TMT1A: variants seen among roughly 807,000 people sequenced by gnomAD.
TMT1A encodes thiol methyltransferase 1A.
the TMT1A span, chr12:50,925,119 G>C: frequency 6.2e-7 from 1 of 1,614,154 alleles, no homozygotes; most frequent in Non-Finnish European, 8.5e-7. Context: ...TTCTGGGCTT[G>C]TGGAGCTGGA....
the TMT1A span, among the ~76,000 whole-genome samples, chr12:50,926,557 T>C: frequency 6.6e-6 from 1 of 152,194 alleles, no homozygotes; most frequent in Non-Finnish European, 1.5e-5. Flanking sequence ...GCTATGTAAG[T>C]GAGTTGTCAT....
the TMT1A span, chr12:50,925,037 C>A: frequency 6.2e-7 from 1 of 1,613,500 alleles, no homozygotes. Context: ...CCCTTCTGAG[C>A]AATGGAGCTT....
At chr12:50,929,784 T>C in the TMT1A span, 1 of 765,768 alleles carries the variant, frequency 1.3e-6, no homozygotes, top group Non-Finnish European at 2.1e-6. Context: ...GGAGTGACCC[T>C]CCTGCTCAGA....
the TMT1A span, chr12:50,929,905 C>A: frequency 7.2e-6 from 11 of 1,527,762 alleles, no homozygotes; most frequent in African/African-American, 1.3e-4. Flanking sequence ...TTTTTTCTTT[C>A]TTTCTCAGGG....
At chr12:50,930,156 G>C in the TMT1A span, 10 of 1,591,034 alleles carry the variant, frequency 6.3e-6, no homozygotes, top group Non-Finnish European at 8.6e-6. Context: ...AATAGTGTGA[G>C]CTGGCAGTTA....
chr12:50,930,128 T>C, the TMT1A span: 1 of 1,611,450 alleles, frequency 6.2e-7, no homozygotes, highest in South Asian at 1.1e-5. Context: ...CGCCCTCATA[T>C]CTATGGATAT....
chr12:50,929,074 TA>T, the TMT1A span, among the ~76,000 whole-genome samples: 235 of 146,434 alleles, frequency 1.6e-3, 2 homozygotes, highest in African/African-American at 4.7e-3. Flanking sequence ...TCTGTCTCTA[TA>T]AAAAAAAAAA....
At chr12:50,925,543 G>GTGTAT in the TMT1A span, 24 of 1,610,910 alleles carry the variant, frequency 1.5e-5, no homozygotes, top group Non-Finnish European at 2.0e-5. Context: ...ACCGGTGAGT[G>GTGTAT]AAAGGGTGTG....
chr12:50,928,045 C>T, the TMT1A span, among the ~76,000 whole-genome samples: 4 of 152,080 alleles, frequency 2.6e-5, no homozygotes, highest in Admixed American at 2.0e-4. Context: ...GGCTGGTGTC[C>T]AACTTCTGGC....
chr12:50,929,886 A>G, the TMT1A span: 3 of 1,544,664 alleles, frequency 1.9e-6, no homozygotes, highest in Non-Finnish European at 2.6e-6. Flanking sequence ...AAATCCTTGA[A>G]ATGTTTTTTT....
chr12:50,929,995 G>A, the TMT1A span: 77 of 1,613,976 alleles, frequency 4.8e-5, no homozygotes, highest in African/African-American at 9.1e-4. Flanking sequence ...CCTGGATCCT[G>A]CCTGGCACCT....
At chr12:50,931,711 CAAAAAAAAAAAAAAAAAA>C in the TMT1A span, 1 of 43,380 alleles carries the variant, frequency 2.3e-5, no homozygotes, top group Non-Finnish European at 4.9e-5. Flanking sequence ...GACTCCGTCT[CAAAAAAAAAAAAAAAAAA>C]AAAAAGAAGT....
the TMT1A span, among the ~76,000 whole-genome samples, chr12:50,928,134 T>C: frequency 2.6e-5 from 4 of 152,306 alleles, no homozygotes; most frequent in Middle Eastern, 3.4e-3. Context: ...CAAATGCAAA[T>C]GCAAATATTC....
the TMT1A span, chr12:50,932,451 A>C: frequency 6.6e-6 from 1 of 152,236 alleles, no homozygotes; most frequent in Admixed American, 6.5e-5. Flanking sequence ...ATTTTGTAAA[A>C]GTACTATTTT....
chr12:50,926,015 T>A, the TMT1A span, among the ~76,000 whole-genome samples: 4 of 4,994 alleles, frequency 8.0e-4, no homozygotes, highest in Non-Finnish European at 8.1e-4. Context: ...AAACTCCATC[T>A]CAAAAAAAAA....
the TMT1A span, chr12:50,925,548 GGT>G: frequency 6.2e-7 from 1 of 1,609,300 alleles, no homozygotes; most frequent in Non-Finnish European, 8.5e-7. Flanking sequence ...TGAGTGAAAG[GGT>G]GTGAGGAGGA....
the TMT1A span, among the ~76,000 whole-genome samples, chr12:50,929,681 CAG>C: frequency 2.6e-5 from 4 of 152,108 alleles, no homozygotes; most frequent in East Asian, 7.7e-4. Context: ...TTAGATGAAT[CAG>C]AATTTTCATT....
At chr12:50,925,448 C>CT in the TMT1A span, 8 of 1,614,092 alleles carry the variant, frequency 5.0e-6, no homozygotes, top group Middle Eastern at 1.6e-4. Context: ...GCTGATGGCT[C>CT]TGTGGATGTG....
the TMT1A span, among the ~76,000 whole-genome samples, chr12:50,927,739 T>G: frequency 1.3e-5 from 2 of 152,358 alleles, no homozygotes; most frequent in East Asian, 3.9e-4. Flanking sequence ...TATCTTCATG[T>G]TAGGACAAAG....
Sources: allele counts gnomAD v4.1 joint callset (sites outside exome capture counted in the v4.1 genomes callset), GRCh38; gene constraint gnomAD v4.1.1; transcripts MANE v1.5; gene names NCBI Gene and HGNC (gene_info 2026-07-23, HGNC 2026-07-21).